Variants in L3MBTL4 observed in about 807,000 individuals in gnomAD.
L3MBTL4 encodes the protein lethal(3)malignant brain tumor-like protein 4.
In L3MBTL4, 70 loss-of-function variants were observed where a neutral mutation model predicts 84.5. The observed-to-expected ratio is 0.83, with a 90% CI of 0.68 to 1.01. L3MBTL4 has a LOEUF of 1.01. Among genes scored for constraint, L3MBTL4 ranks in the 50% least tolerant of loss-of-function variants. The pLI is 0.00. For synonymous variants in L3MBTL4, 274 were observed against 259.8 expected (o/e 1.05, Z -0.52); for missense variants, 715 against 754.8 (o/e 0.95, Z 0.62).
At chr18:6,391,892 T>C (rs1458348966) in intron 1 of L3MBTL4, among the ~76,000 whole-genome samples, 2 of 152,070 alleles carry the variant, frequency 1.3e-5, no homozygotes, top group Non-Finnish European at 2.9e-5. Context: ...TGCTCATGGA[T>C]GGGAAGAATC....
intron 14 of L3MBTL4, among the ~76,000 whole-genome samples, chr18:6,119,122 T>C (rs1163706798): frequency 6.6e-6 from 1 of 151,772 alleles, no homozygotes. Flanking sequence ...TCACCAGTTA[T>C]TAACAATTAC....
intron 17 of L3MBTL4, among the ~76,000 whole-genome samples, chr18:5,968,110 G>C (rs1011188119): frequency 5.9e-5 from 9 of 152,206 alleles, no homozygotes; most frequent in Admixed American, 3.9e-4. Context: ...CCTGTTCCTT[G>C]GCCCAAGGCT....
At chr18:5,961,369 G>A (rs1299131908) in intron 17 of L3MBTL4, among the ~76,000 whole-genome samples, 2 of 152,198 alleles carry the variant, frequency 1.3e-5, no homozygotes, top group Non-Finnish European at 2.9e-5. Context: ...CTCCCTCAGG[G>A]CATACCCTAG....
chr18:6,379,895 C>T (rs1458611421), intron 1 of L3MBTL4, among the ~76,000 whole-genome samples: 1 of 152,184 alleles, frequency 6.6e-6, no homozygotes, highest in African/African-American at 2.4e-5. Flanking sequence ...AGGAATGGTA[C>T]CAGCTCCTCC....
At position 6,230,893 on chromosome 18, in the gene L3MBTL4, G is replaced by C. The variant is rs146286527; in HGVS notation, c.784+7071C>G. ...CTACATATATGTCTTTTGAAAAAAT[G>C]TCTGTTCATGTCCTTTGTCCACTTT... On this transcript the variant is annotated intron_variant, in intron 10 of 18. Coordinates refer to ENST00000317931, the MANE Select transcript of L3MBTL4 (RefSeq NM_001330559.2). 3.3e-5 allele frequency among the ~76,000 whole-genome samples: 5 copies of C among 152,220 alleles called. No homozygotes were observed. The East Asian group carries it at 9.6e-4, about 29-fold the overall frequency.
At chr18:6,134,318 A>G (rs1353646933) in intron 14 of L3MBTL4, among the ~76,000 whole-genome samples, 1 of 152,118 alleles carries the variant, frequency 6.6e-6, no homozygotes, top group Admixed American at 6.5e-5. Context: ...GGACACAGCC[A>G]AACCATATCA....
chr18:6,012,431 C>T (rs541827403), intron 16 of L3MBTL4, among the ~76,000 whole-genome samples: 1 of 151,978 alleles, frequency 6.6e-6, no homozygotes, highest in African/African-American at 2.4e-5. Flanking sequence ...CATACACAAA[C>T]ATCAGATTTT....
At chr18:6,014,635 CAG>C (rs963308518) in intron 16 of L3MBTL4, among the ~76,000 whole-genome samples, 1 of 152,032 alleles carries the variant, frequency 6.6e-6, no homozygotes, top group African/African-American at 2.4e-5. Flanking sequence ...AATAACAGAA[CAG>C]AGAGTCCACA....
At chr18:6,127,180 C>T (rs1020624080) in intron 14 of L3MBTL4, among the ~76,000 whole-genome samples, 16 of 152,210 alleles carry the variant, frequency 1.1e-4, no homozygotes, top group Admixed American at 5.2e-4. Flanking sequence ...AGAGCTTTTA[C>T]TTTCTATATC....
chr18:6,186,231 G>A (rs1460577162), intron 12 of L3MBTL4, among the ~76,000 whole-genome samples: 1 of 151,310 alleles, frequency 6.6e-6, no homozygotes, highest in South Asian at 2.1e-4. Context: ...TAGTAGAGAC[G>A]AGGTTTCACC....
intron 13 of L3MBTL4, among the ~76,000 whole-genome samples, chr18:6,163,257 T>G (rs1385800849): frequency 6.1e-4 from 27 of 44,202 alleles, no homozygotes; most frequent in East Asian, 4.1e-3. Flanking sequence ...GGTGTGTGTG[T>G]GTGGGGGGGG....
chr18:6,025,039 T>C (rs2055438579), intron 16 of L3MBTL4: 1 of 152,160 alleles, frequency 6.6e-6, no homozygotes, highest in Non-Finnish European at 1.5e-5. Flanking sequence ...CATCAGCACC[T>C]CCTCTCAGCA....
At chr18:6,108,826 T>C (rs1355607145) in intron 14 of L3MBTL4, among the ~76,000 whole-genome samples, 1 of 152,148 alleles carries the variant, frequency 6.6e-6, no homozygotes, top group Admixed American at 6.5e-5. Flanking sequence ...AAAAAACAAA[T>C]ATAGTATAAC....
chr18:6,402,517 A>G (rs982324370), intron 1 of L3MBTL4, among the ~76,000 whole-genome samples: 2 of 152,158 alleles, frequency 1.3e-5, no homozygotes, highest in African/African-American at 4.8e-5. Context: ...ATTCTACAAA[A>G]TCTATCTACA....
At chr18:5,991,819 C>T (rs998392593) in intron 16 of L3MBTL4, among the ~76,000 whole-genome samples, 1 of 152,150 alleles carries the variant, frequency 6.6e-6, no homozygotes, top group Non-Finnish European at 1.5e-5. Context: ...AAAAAATCAA[C>T]ACTGGCTGAA....
intron 16 of L3MBTL4, chr18:6,031,346 C>T: frequency 1.0e-6 from 1 of 985,456 alleles, no homozygotes; most frequent in Non-Finnish European, 1.2e-6. Context: ...AGATAAATGC[C>T]TTCCTTCACC....
At chr18:6,113,365 G>A (rs2059254629) in intron 14 of L3MBTL4, among the ~76,000 whole-genome samples, 1 of 143,346 alleles carries the variant, frequency 7.0e-6, no homozygotes, top group Admixed American at 7.4e-5. Flanking sequence ...GACTGTAAAA[G>A]AAGGCTTATT....
chr18:6,257,031 G>A (rs1430720899), intron 5 of L3MBTL4, among the ~76,000 whole-genome samples: 3 of 152,140 alleles, frequency 2.0e-5, no homozygotes, highest in Non-Finnish European at 4.4e-5. Flanking sequence ...TTTGAGAACC[G>A]CTTGTATTTA....
chr18:6,042,772 AT>A lies in L3MBTL4; in HGVS notation c.1444+38108del, dbSNP rs576924647. ...TTCTGGAACACCCTTTTGCTAAGCA[AT>A]CACATCCAGATGCAGGAGTTCAACT... On this transcript the variant is annotated intron_variant, in intron 16 of 18. Coordinates refer to ENST00000317931, the MANE Select transcript of L3MBTL4 (RefSeq NM_001330559.2). Among the ~76,000 whole-genome samples the A allele has an allele frequency of 2.6e-5, 4 of 152,204 alleles. No individual in the cohort carries two copies. The East Asian group carries it at 7.8e-4, about 30-fold the overall frequency.
Sources: gnomAD v4.1 joint callset for allele counts (sites outside exome capture counted in the v4.1 genomes callset) on GRCh38, gnomAD v4.1.1 for gene constraint, MANE v1.5 for transcripts, NCBI Gene and HGNC (gene_info 2026-07-23, HGNC 2026-07-21) for gene names.